Variants in CASR observed in about 807,000 individuals in gnomAD.
CASR encodes calcium sensing receptor, also known as extracellular calcium-sensing receptor.
A neutral mutation model predicts 69.1 loss-of-function variants in CASR; 23 were observed. The observed-to-expected ratio is 0.33, with a 90% CI of 0.24 to 0.47. The LOEUF is 0.47. Ranked by LOEUF, CASR falls within the 20% of genes least tolerant of loss-of-function variation. CASR has a pLI of 1.00. For missense variants in CASR, 924 were observed against 1,356.1 expected, an observed-to-expected ratio of 0.68 and a Z score of 5.00; for synonymous variants, 541 against 544.7, an observed-to-expected ratio of 0.99 and a Z score of 0.10.
At chr3:122,212,222 G>A (rs1215839583) in intron 1 of CASR, among the ~76,000 whole-genome samples, 1 of 152,148 alleles carries the variant, frequency 6.6e-6, no homozygotes, top group African/African-American at 2.4e-5. Flanking sequence ...GGAATATTAT[G>A]CACCCATAAA....
chr3:122,212,724 C>T (rs11922155), intron 1 of CASR, among the ~76,000 whole-genome samples: 36,445 of 151,474 alleles, frequency 0.24, 5,408 homozygotes, highest in Admixed American at 0.43. Flanking sequence ...TCACCACAAC[C>T]TCCGCTTCCC....
intron 4 of CASR, among the ~76,000 whole-genome samples, chr3:122,274,795 G>A (rs1467933347): frequency 6.6e-6 from 1 of 152,154 alleles, no homozygotes; most frequent in African/African-American, 2.4e-5. Context: ...AGGAGGTGCA[G>A]TGGAAGGTGT....
intron 1 of CASR, among the ~76,000 whole-genome samples, chr3:122,212,652 T>G (rs2074080292): frequency 6.6e-6 from 1 of 152,222 alleles, no homozygotes; most frequent in Middle Eastern, 3.4e-3. Flanking sequence ...AATTTTTTTT[T>G]TTTTTTGAGA....
intron 1 of CASR, among the ~76,000 whole-genome samples, chr3:122,200,360 A>C (rs954359128): frequency 6.6e-6 from 1 of 152,230 alleles, no homozygotes; most frequent in African/African-American, 2.4e-5. Flanking sequence ...GTGTCAAATA[A>C]AAATCATAAT....
rs564217668 is a variant in CASR, at chr3:122,189,492, A to AT, written c.-243+5688dup. On this transcript the variant is annotated intron_variant, in intron 1 of 6. Transcript: ENST00000639785. ...TTAATGTGTTTTTCATCTATGATTG[A>AT]TTTTTTTTCCCTGGGAACCAGGGTG... Among the ~76,000 whole-genome samples the AT allele has an allele frequency of 2.9e-4, 44 of 151,960 alleles. No individual in the cohort carries two copies. The East Asian group carries it at 3.5e-3, about 12-fold the overall frequency.
At position 122,284,951 on chromosome 3, in the gene CASR, G is replaced by A; in HGVS notation, c.2997G>A (p.Glu999=). 3 of 1,614,182 alleles carry A rather than the reference G, an allele frequency of 1.9e-6. No homozygotes were observed. Among genetic ancestry groups the A allele is most frequent in the Non-Finnish European group, 2.5e-6 (3 of 1,180,018 alleles). Reference sequence around the variant, plus strand: ...ATTCTACGCACCAGAACTCCCTGGAGGCCCAGAAAAGCAGCGATACGCTGA... The same window carrying A: ...ATTCTACGCACCAGAACTCCCTGGAAGCCCAGAAAAGCAGCGATACGCTGA... ...HRNSTHQNSL[E]AQKSSDTLTR... Residue 999 remains glutamate (E), a synonymous_variant, in exon 7 of 7, where the codon GAG becomes GAA. Coordinates refer to ENST00000639785, the MANE Select transcript of CASR (RefSeq NM_000388.4).
chr3:122,188,417 T>C (rs2073807514), intron 1 of CASR, among the ~76,000 whole-genome samples: 1 of 152,130 alleles, frequency 6.6e-6, no homozygotes, highest in African/African-American at 2.4e-5. Flanking sequence ...GATCTTGGGA[T>C]AGAAAAGAAG....
intron 1 of CASR, among the ~76,000 whole-genome samples, chr3:122,241,858 C>A (rs569220487): frequency 3.3e-5 from 5 of 152,020 alleles, no homozygotes; most frequent in Non-Finnish European, 4.4e-5. Flanking sequence ...ATCCTGTGGA[C>A]GCAAGGATAG....
At chr3:122,189,500 T>C (rs570792565) in intron 1 of CASR, among the ~76,000 whole-genome samples, 10 of 152,216 alleles carry the variant, frequency 6.6e-5, no homozygotes, top group South Asian at 2.1e-4. Context: ...TGATTTTTTT[T>C]CCCTGGGAAC....
intron 1 of CASR, among the ~76,000 whole-genome samples, chr3:122,217,598 T>C (rs2074129672): frequency 6.6e-6 from 1 of 152,174 alleles, no homozygotes; most frequent in Non-Finnish European, 1.5e-5. Context: ...GCAAAGGCCT[T>C]GAGGCTGGAT....
chr3:122,249,469 A>G (rs1049461199), intron 1 of CASR, among the ~76,000 whole-genome samples: 10 of 152,246 alleles, frequency 6.6e-5, no homozygotes, highest in African/African-American at 2.4e-4. Context: ...GAATGAGTAA[A>G]TCATTGCACG....
intron 1 of CASR, among the ~76,000 whole-genome samples, chr3:122,233,154 C>G (rs971262963): frequency 5.9e-5 from 9 of 152,202 alleles, no homozygotes; most frequent in African/African-American, 2.2e-4. Context: ...CTGCTTCTGA[C>G]AGCATGCAAA....
intron 1 of CASR, among the ~76,000 whole-genome samples, chr3:122,199,550 G>T (rs1298819554): frequency 6.6e-6 from 1 of 151,940 alleles, no homozygotes; most frequent in Non-Finnish European, 1.5e-5. Context: ...ATTAAATTCT[G>T]GTTACAAAAT....
chr3:122,266,838 A>G (rs2074700444), intron 4 of CASR, among the ~76,000 whole-genome samples: 1 of 152,042 alleles, frequency 6.6e-6, no homozygotes, highest in South Asian at 2.1e-4. Flanking sequence ...CCCTGTCTCT[A>G]CTAAAAATAC....
rs1178926145 is a variant in CASR at position 122,289,400 on chromosome 3, A to T, written c.*4209A>T. The T allele has an allele frequency of 6.6e-6, 1 of 152,270 alleles. No individual in the cohort carries two copies. Among genetic ancestry groups the T allele is most frequent in the East Asian group, 1.9e-4 (1 of 5,188 alleles). The allele number at this position is 152,270 out of a possible 1,614,324, so 9.4% of individuals were successfully genotyped here. On this transcript the variant is annotated 3_prime_UTR_variant, in exon 7 of 7. Coordinates refer to ENST00000639785, the MANE Select transcript of CASR (RefSeq NM_000388.4). ...ATGGAAAAAAAACATCAAGACTTGG[A>T]TGACAACTTTGAGTGACTTTGCTAT... is the stretch of plus-strand genomic sequence containing the variant.
At position 122,287,151 on chromosome 3, in the gene CASR, A is replaced by G. The variant is rs1307105198; in HGVS notation, c.*1960A>G. On this transcript the variant is annotated 3_prime_UTR_variant, in exon 7 of 7. Transcript: ENST00000639785. ...ACTTGGTCTTAAAAGAAATGCTGAA[A>G]ATGTGATGGTTTCAAAATAACTATG... The G allele has an allele frequency of 6.6e-6, 1 of 152,218 alleles. No individual in the cohort carries two copies. The highest frequency in any genetic ancestry group is 2.4e-5 in the African/African-American group (1 of 41,444). 9.4% of individuals were successfully genotyped at this position (152,218 alleles called of 1,614,324 possible). A position where few individuals can be genotyped will look rare whatever the true frequency, so the allele number is the denominator to read the frequency against.
chr3:122,245,376 A>G (rs2074417700), intron 1 of CASR: 1 of 152,212 alleles, frequency 6.6e-6, no homozygotes, highest in South Asian at 2.1e-4. Flanking sequence ...ATTAAATTTC[A>G]GAAACAAAAA....
chr3:122,242,166 G>A (rs968012009), intron 1 of CASR, among the ~76,000 whole-genome samples: 6 of 151,980 alleles, frequency 3.9e-5, no homozygotes, highest in South Asian at 2.1e-4. Context: ...ACATAGTACC[G>A]GAGTTCCTAG....
chr3:122,272,098 C>T (rs1024587159), intron 4 of CASR, among the ~76,000 whole-genome samples: 68 of 122,896 alleles, frequency 5.5e-4, no homozygotes, highest in East Asian at 1.7e-3. Context: ...AATGCACACA[C>T]ACACACACAC....
Sources: gnomAD v4.1 joint callset for allele counts (sites outside exome capture counted in the v4.1 genomes callset) on GRCh38, gnomAD v4.1.1 for gene constraint, MANE v1.5 for transcripts, NCBI Gene and HGNC (gene_info 2026-07-23, HGNC 2026-07-21) for gene names.